Variants in FASTKD1 observed in about 807,000 individuals in gnomAD.
FASTKD1 encodes FAST kinase domains 1, also known as FAST kinase domain-containing protein 1, mitochondrial.
In FASTKD1, 94 loss-of-function variants were observed where a neutral mutation model predicts 90.9. That is an observed-to-expected ratio of 1.03 (90% CI 0.88 to 1.23). The LOEUF is 1.23. FASTKD1 is among the 50% of genes most tolerant of loss of function. FASTKD1 has a pLI of 0.00. For missense variants in FASTKD1, 945 were observed against 993.5 expected, an observed-to-expected ratio of 0.95 and a Z score of 0.66; for synonymous variants, 319 against 345.8, an observed-to-expected ratio of 0.92 and a Z score of 0.86.
intron 7 of FASTKD1, among the ~76,000 whole-genome samples, chr2:169,549,163 G>A (rs1685370877): frequency 6.6e-6 from 1 of 152,070 alleles, no homozygotes; most frequent in South Asian, 2.1e-4. Flanking sequence ...GGGAGGCCGA[G>A]GTGGGCGGAT....
At chr2:169,533,384 A>G (rs914794021) in intron 12 of FASTKD1, among the ~76,000 whole-genome samples, 1 of 152,222 alleles carries the variant, frequency 6.6e-6, no homozygotes, top group African/African-American at 2.4e-5. Context: ...AAGATGAAAT[A>G]TATAGAATTC....
At chr2:169,543,999 C>A (rs1337387800) in intron 9 of FASTKD1, among the ~76,000 whole-genome samples, 4 of 152,150 alleles carry the variant, frequency 2.6e-5, no homozygotes, top group Non-Finnish European at 5.9e-5. Context: ...TATTAGGGGA[C>A]TATGATTAAG....
chr2:169,540,094 A>C lies in FASTKD1; in HGVS notation c.1902T>G (p.Ile634Met). 1 of 1,608,556 alleles carries C rather than the reference A, an allele frequency of 6.2e-7. No homozygotes were observed. Among genetic ancestry groups the C allele is most frequent in the East Asian group, 2.2e-5 (1 of 44,724 alleles). Reference sequence around the variant, plus strand: ...ATCTAGCTAAGAATTTGATGTTAAAAATTGCCTTTAGCAGATCTTCTGGAA... The same window carrying C: ...ATCTAGCTAAGAATTTGATGTTAAACATTGCCTTTAGCAGATCTTCTGGAA... Reference protein sequence around the residue: ...EYFPEDLLKAIFNIKFLARLD... With the variant: ...EYFPEDLLKAMFNIKFLARLD... The change falls in exon 10 of 15, where the codon ATT (isoleucine) becomes ATG (methionine). Residue 634 changes from isoleucine (I) to methionine (M), a missense_variant. Transcript: ENST00000453153.
At position 169,548,382 on chromosome 2, in the gene FASTKD1, C is replaced by A. The variant is rs544619344; in HGVS notation, c.1215-1678G>T. Among the ~76,000 whole-genome samples, 280 of 151,478 alleles carry A rather than the reference C, an allele frequency of 1.8e-3. 2 individuals are homozygous for A. The highest frequency in any genetic ancestry group is 3.4e-3 in the Middle Eastern group (1 of 294). On this transcript the variant is annotated intron_variant, in intron 7 of 14. Coordinates refer to ENST00000453153, the MANE Select transcript of FASTKD1 (RefSeq NM_024622.6). ...CTCATTCTCTACTTCATTCCGAAAT[C>A]CCCATGGCAAGAGTCCCACCACCAG...
chr2:169,540,082 T>A lies in FASTKD1; in HGVS notation c.1914A>T (p.Lys638Asn). 1 of 1,605,256 alleles carries A rather than the reference T, an allele frequency of 6.2e-7. No individual in the cohort carries two copies. The highest frequency in any genetic ancestry group is 1.1e-5 in the South Asian group (1 of 88,800). The change falls in exon 10 of 15, where the codon AAA becomes AAT. Residue 638 changes from lysine to asparagine, a missense_variant. Physicochemically the swap from Lys to Asn is moderately conservative, Grantham distance 94. Transcript: ENST00000453153. ...EDLLKAIFNI[K>N]FLARLDSQLE... is the part of the protein sequence containing the mutation. ...GTTGAGAATCCAATCTAGCTAAGAATTTGATGTTAAAAATTGCCTTTAGCA... is the reference window on the plus strand; with the variant it reads ...GTTGAGAATCCAATCTAGCTAAGAAATTGATGTTAAAAATTGCCTTTAGCA...
chr2:169,538,666 A>G, intron 10 of FASTKD1, among the ~76,000 whole-genome samples: 1 of 117,624 alleles, frequency 8.5e-6, no homozygotes, highest in South Asian at 3.1e-4. Flanking sequence ...CAAGAGCAAA[A>G]CTCCGTCTCA....
intron 8 of FASTKD1, among the ~76,000 whole-genome samples, chr2:169,545,615 T>C (rs993024247): frequency 2.0e-5 from 3 of 152,232 alleles, no homozygotes; most frequent in African/African-American, 4.8e-5. Context: ...TGCAAGAAGA[T>C]GCAATGACAG....
chr2:169,562,219 GT>G lies in FASTKD1; in HGVS notation c.572+1005del, dbSNP rs1005312417. ...TGTTGTTGTTTCAAGTTTTGTTACT[GT>G]TTTTTTTTCGTTTTTTGTTATTGTT... On this transcript the variant is annotated intron_variant, in intron 4 of 14. Coordinates refer to ENST00000453153, the MANE Select transcript of FASTKD1 (RefSeq NM_024622.6). Among the ~76,000 whole-genome samples the G allele has an allele frequency of 1.5e-4, 21 of 143,526 alleles. No individual in the cohort carries two copies. The East Asian group carries it at 3.9e-3, about 27-fold the overall frequency. 94.2% of individuals were successfully genotyped at this position (143,526 alleles called of 152,430 possible).
At position 169,543,643 on chromosome 2, in the gene FASTKD1, C is replaced by T. The variant is rs185547438; in HGVS notation, c.1816+1078G>A. Among the ~76,000 whole-genome samples, 27 of 152,240 alleles carry T rather than the reference C, an allele frequency of 1.8e-4. No individual in the cohort carries two copies. In the East Asian group the frequency reaches 2.3e-3, roughly 13 times the overall value. On this transcript the variant is annotated intron_variant, in intron 9 of 14. Coordinates refer to ENST00000453153, the MANE Select transcript of FASTKD1 (RefSeq NM_024622.6). Reference sequence around the variant, plus strand: ...GCTGACAACTGGAAGGTTCATCATACGCATACGCGCTTGTGCACATACACA... The same window carrying T: ...GCTGACAACTGGAAGGTTCATCATATGCATACGCGCTTGTGCACATACACA...
chr2:169,542,491 C>A (rs1343180813), intron 9 of FASTKD1, among the ~76,000 whole-genome samples: 1 of 152,220 alleles, frequency 6.6e-6, no homozygotes, highest in African/African-American at 2.4e-5. Context: ...TCTCTGCTGT[C>A]CTCACATATT....
chr2:169,529,880 G>A lies in FASTKD1; in HGVS notation c.2489C>T (p.Ala830Val). 2.5e-6 allele frequency: 4 copies of A among 1,613,664 alleles called. No homozygotes were observed. Among genetic ancestry groups the A allele is most frequent in the Non-Finnish European group, 3.4e-6 (4 of 1,179,730 alleles). ...WNSMALSTKDARMDYLRECIF... is the reference protein window; with the variant it reads ...WNSMALSTKDVRMDYLRECIF... Reference sequence around the variant, plus strand: ...ACATTCTCTCAGGTAGTCCATCCGAGCATCCTTTGTTGACAGTGCCATAGA... The same window carrying A: ...ACATTCTCTCAGGTAGTCCATCCGAACATCCTTTGTTGACAGTGCCATAGA... Residue 830 changes from alanine to valine, a missense_variant, in exon 15 of 15, where the codon GCT (alanine) becomes GTT (valine). Transcript: ENST00000453153.
chr2:169,563,368 C>A lies in FASTKD1; in HGVS notation c.447-18G>T. 6.5e-7 allele frequency: 1 copy of A among 1,538,224 alleles called. No homozygotes were observed. Among genetic ancestry groups the A allele is most frequent in the Non-Finnish European group, 8.9e-7 (1 of 1,124,424 alleles). ...TATCAAACCTATTAAAGGAAATATA[C>A]AAAGGAGAACATTAGTATTTACTTT... On this transcript the variant is annotated intron_variant, in intron 3 of 14. Coordinates refer to ENST00000453153, the MANE Select transcript of FASTKD1 (RefSeq NM_024622.6).
In FASTKD1 at chr2:169,557,289, G is replaced by T; in HGVS notation, c.980C>A (p.Ser327Ter). The T allele has an allele frequency of 6.4e-7, 1 of 1,560,020 alleles. No individual in the cohort carries two copies. The highest frequency in any genetic ancestry group is 1.2e-5 in the South Asian group (1 of 84,408). Reference protein sequence around the residue: ...AGPEEKKQLKSTMLLMSEDLT... With the variant: ...AGPEEKKQLK The stretch of plus-strand genomic sequence containing the variant: ...GTCCTCTGACATCAATAACATAGTT[G>T]ATTTAAGTCTAGAAGCAAAAAAAAA... Residue 327 changes from serine to a stop codon, truncating the protein, a stop_gained, in exon 6 of 15, where the codon TCA becomes TAA. Coordinates refer to ENST00000453153, the MANE Select transcript of FASTKD1 (RefSeq NM_024622.6). LOFTEE classifies it high-confidence loss of function.
chr2:169,562,164 A>T (rs1461102305), intron 4 of FASTKD1, among the ~76,000 whole-genome samples: 1 of 147,576 alleles, frequency 6.8e-6, no homozygotes, highest in African/African-American at 2.5e-5. Context: ...ATTATTTATT[A>T]ATTTATTTTT....
intron 13 of FASTKD1, 172 bp downstream of exon 13, chr2:169,531,180 A>G (rs1684468334): frequency 1.3e-6 from 1 of 786,488 alleles, no homozygotes; most frequent in South Asian, 1.4e-5. Context: ...TGGACAGAAG[A>G]AGGGAGAACA....
intron 7 of FASTKD1, among the ~76,000 whole-genome samples, chr2:169,548,224 A>G (rs965380947): frequency 6.6e-6 from 1 of 152,076 alleles, no homozygotes; most frequent in African/African-American, 2.4e-5. Context: ...TCAATTTCTG[A>G]TATCACCTGT....
rs1272183100 is a variant in FASTKD1, at chr2:169,547,917, G to C, written c.1215-1213C>G. Among the ~76,000 whole-genome samples the C allele has an allele frequency of 3.6e-3, 137 of 38,300 alleles. 2 individuals are homozygous for C. Among genetic ancestry groups the C allele is most frequent in the African/African-American group, 0.011 (137 of 12,146 alleles). 25.1% of individuals were successfully genotyped at this position (38,300 alleles called of 152,430 possible). A position where few individuals can be genotyped will look rare whatever the true frequency, so the allele number is the denominator to read the frequency against. ...AAAAAAAAAAAAAAAAAAAAAAAAA[G>C]AGTTTGATAAATTCAAAGATGACAG... On this transcript the variant is annotated intron_variant, in intron 7 of 14. Coordinates refer to ENST00000453153, the MANE Select transcript of FASTKD1 (RefSeq NM_024622.6).
chr2:169,560,304 C>T (rs1157030023), intron 5 of FASTKD1, 83 bp downstream of exon 5: 4 of 1,088,142 alleles, frequency 3.7e-6, no homozygotes, highest in Admixed American at 2.7e-5. Context: ...ATATTTGTAC[C>T]TTCCAGAGCT....
chr2:169,569,394 T>G, intron 2 of FASTKD1, 142 bp from the exon 3 acceptor site: 1 of 751,886 alleles, frequency 1.3e-6, no homozygotes, highest in Non-Finnish European at 2.2e-6. Context: ...CCACTCTTAT[T>G]TCAATATTCT....
Sources: allele counts gnomAD v4.1 joint callset (sites outside exome capture counted in the v4.1 genomes callset), GRCh38; gene constraint gnomAD v4.1.1; transcripts MANE v1.5; gene names NCBI Gene and HGNC (gene_info 2026-07-23, HGNC 2026-07-21).